The following TRIM37 variants were observed in gnomAD, a reference collection of about 807,000 sequenced individuals.
TRIM37 encodes E3 ubiquitin-protein ligase TRIM37.
A neutral mutation model predicts 129.8 loss-of-function variants in TRIM37; 80 were observed. The observed-to-expected ratio is 0.62, with a 90% CI of 0.51 to 0.74. The LOEUF (loss-of-function observed/expected upper bound fraction) is 0.74. TRIM37 is among the 30% of genes least tolerant of loss of function. The pLI, the probability that TRIM37 is intolerant of heterozygous loss-of-function variation, is 0.00. For synonymous variants in TRIM37, 389 were observed against 387.1 expected, an observed-to-expected ratio of 1.00 and a Z score of -0.06; for missense variants, 1,054 against 1,176.5, an observed-to-expected ratio of 0.90 and a Z score of 1.52.
chr17:59,078,131 T>C (rs2042976700), intron 7 of TRIM37, among the ~76,000 whole-genome samples: 1 of 151,688 alleles, frequency 6.6e-6, no homozygotes, highest in African/African-American at 2.4e-5. Context: ...TCTCAAATAA[T>C]AATAATAATA....
chr17:58,998,353 A>G lies in TRIM37; in HGVS notation c.*1024T>C, dbSNP rs2033219262. On this transcript the variant is annotated 3_prime_UTR_variant, in exon 24 of 24. Coordinates refer to ENST00000262294, the MANE Select transcript of TRIM37 (RefSeq NM_015294.6). ...CAGATGAGATGTCTCTCACATGTAT[A>G]TTTAATTATTCATGCTTTTTCAATA... 3 of 985,422 alleles carry G rather than the reference A, an allele frequency of 3.0e-6. No homozygotes were observed. The highest frequency in any genetic ancestry group is 4.7e-5 in the South Asian group (1 of 21,288). The allele number at this position is 985,422 out of a possible 1,614,324, so 61.0% of individuals were successfully genotyped here.
At chr17:59,072,922 G>A (rs1267584552) in intron 8 of TRIM37, among the ~76,000 whole-genome samples, 1 of 152,124 alleles carries the variant, frequency 6.6e-6, no homozygotes, top group Non-Finnish European at 1.5e-5. Context: ...ATTATTATGT[G>A]TCAGGCATTG....
At chr17:59,075,865 TTAA>T (rs1165341007) in intron 7 of TRIM37, 151 bp from the exon 8 acceptor site, 1 of 663,118 alleles carries the variant, frequency 1.5e-6, no homozygotes, top group Non-Finnish European at 2.7e-6. Flanking sequence ...TCATTCAACT[TTAA>T]GAGGCTGAAT....
At chr17:59,091,384 CTATA>C in intron 2 of TRIM37, 44 bp from the exon 3 acceptor site, 2 of 961,182 alleles carry the variant, frequency 2.1e-6, no homozygotes, top group African/African-American at 3.6e-5. Context: ...AACATCATTA[CTATA>C]TATATATATT....
intron 14 of TRIM37, among the ~76,000 whole-genome samples, chr17:59,050,547 T>G (rs1350471682): frequency 6.6e-6 from 1 of 151,608 alleles, no homozygotes; most frequent in African/African-American, 2.4e-5. Flanking sequence ...AAACTAGCCA[T>G]GACACATGCT....
At chr17:59,088,515 C>A in intron 3 of TRIM37, 108 bp from the exon 4 acceptor site, 3 of 759,066 alleles carry the variant, frequency 4.0e-6, no homozygotes, top group Non-Finnish European at 2.3e-6. Context: ...TACCATAACA[C>A]TATTTTTTTT....
chr17:59,012,227 G>GCAGCAGCAGCAGCATCAC, intron 22 of TRIM37, 101 bp downstream of exon 22: 1 of 610,752 alleles, frequency 1.6e-6, no homozygotes. Flanking sequence ...AGCAGCAGCA[G>GCAGCAGCAGCAGCATCAC]CACCACCACC....
chr17:59,043,381 A>T (rs1229803307), intron 16 of TRIM37, among the ~76,000 whole-genome samples: 2 of 152,192 alleles, frequency 1.3e-5, no homozygotes, highest in Non-Finnish European at 2.9e-5. Context: ...CTACTCAAAA[A>T]AATCTATAAA....
At chr17:59,056,185 T>C (rs1485688329) in intron 13 of TRIM37, among the ~76,000 whole-genome samples, 2 of 152,068 alleles carry the variant, frequency 1.3e-5, no homozygotes, top group African/African-American at 2.4e-5. Flanking sequence ...TTACTGGAAG[T>C]TGTAGTTTCC....
At chr17:59,031,795 T>G (rs1189536784) in intron 18 of TRIM37, 101 bp downstream of exon 18, 1 of 1,198,400 alleles carries the variant, frequency 8.3e-7, no homozygotes, top group Non-Finnish European at 1.2e-6. Context: ...AACACAGAAA[T>G]ACACCATGTT....
chr17:59,029,620 C>T (rs1185562182), intron 18 of TRIM37, among the ~76,000 whole-genome samples: 1 of 152,060 alleles, frequency 6.6e-6, no homozygotes, highest in South Asian at 2.1e-4. Context: ...AAGCAGGCCA[C>T]GTGCAGTGGC....
At chr17:59,092,619 T>C (rs1228665743) in intron 2 of TRIM37, among the ~76,000 whole-genome samples, 1 of 152,094 alleles carries the variant, frequency 6.6e-6, no homozygotes, top group African/African-American at 2.4e-5. Context: ...AACAGGTTTA[T>C]AATAAAAAAA....
Position 59,079,886 on chromosome 17 carries a change from T to C in TRIM37, c.493-9A>G. The C allele has an allele frequency of 1.2e-6, 2 of 1,613,416 alleles. No individual in the cohort carries two copies. The highest frequency in any genetic ancestry group is 1.7e-6 in the Non-Finnish European group (2 of 1,179,580). On this transcript the variant is annotated splice_polypyrimidine_tract_variant and intron_variant, in intron 6 of 23. Coordinates refer to ENST00000262294, the MANE Select transcript of TRIM37 (RefSeq NM_015294.6). The stretch of plus-strand genomic sequence containing the variant: ...GCTTCTACATTCCTTTCCTAGAAGA[T>C]AAAGAGGTAAGAATAATTTTAATTG...
chr17:58,973,781 T>C, the TRIM37 span, among the ~76,000 whole-genome samples: 1 of 151,818 alleles, frequency 6.6e-6, no homozygotes, highest in African/African-American at 2.4e-5. Flanking sequence ...TGAATCCCCG[T>C]CTCTACTAAA....
At chr17:58,981,255 ATGTGTCT>A (rs1183598076), downstream of TRIM37, 3 of 491,572 alleles carry the variant, frequency 6.1e-6, no homozygotes, top group Admixed American at 3.8e-5. Context: ...GGTCCCTGTG[ATGTGTCT>A]CGACACCAAT....
chr17:59,053,306 A>C (rs1171837626), intron 13 of TRIM37, among the ~76,000 whole-genome samples: 1 of 152,198 alleles, frequency 6.6e-6, no homozygotes, highest in Non-Finnish European at 1.5e-5. Flanking sequence ...ATACATACAA[A>C]ATTCCACCAG....
intron 8 of TRIM37, among the ~76,000 whole-genome samples, chr17:59,073,688 T>G (rs1171936936): frequency 6.6e-6 from 1 of 152,242 alleles, no homozygotes; most frequent in Non-Finnish European, 1.5e-5. Flanking sequence ...AAGCCTTGAA[T>G]TCCTGGGCTG....
intron 2 of TRIM37, among the ~76,000 whole-genome samples, chr17:59,091,936 C>G (rs2147323045): frequency 6.6e-6 from 1 of 151,028 alleles, no homozygotes. Context: ...AAAAATAAAC[C>G]ACAGTGATGA....
At chr17:59,017,525 T>C in intron 19 of TRIM37, 101 bp from the exon 20 acceptor site, 1 of 1,506,548 alleles carries the variant, frequency 6.6e-7, no homozygotes, top group Non-Finnish European at 9.2e-7. Flanking sequence ...GCATGGAAGC[T>C]GTTCTCTCTA....
Sources: allele counts gnomAD v4.1 joint callset (sites outside exome capture counted in the v4.1 genomes callset), GRCh38; gene constraint gnomAD v4.1.1; transcripts MANE v1.5; gene names NCBI Gene and HGNC (gene_info 2026-07-23, HGNC 2026-07-21).